The following PPP1R3A variants were observed in gnomAD, a reference collection of about 807,000 sequenced individuals.
The protein encoded by PPP1R3A is protein phosphatase 1 regulatory subunit 3A.
Under a neutral mutation model 41.7 loss-of-function variants are expected in PPP1R3A, and 29 were observed. The ratio of observed to expected loss-of-function variants is 0.70; its 90% CI spans 0.52 to 0.95. The LOEUF (loss-of-function observed/expected upper bound fraction) is 0.95. Ranked by LOEUF, PPP1R3A falls within the 40% of genes least tolerant of loss-of-function variation. The probability of loss-of-function intolerance (pLI) is 0.00; values close to 1 mark genes in which losing one functional copy is unlikely to be tolerated. For synonymous variants in PPP1R3A, 485 were observed against 453.4 expected (o/e 1.07, Z -0.89); for missense variants, 1,352 against 1,292.4 (o/e 1.05, Z -0.71).
intron 1 of PPP1R3A, among the ~76,000 whole-genome samples, chr7:113,895,029 T>G (rs1024248479): frequency 1.3e-4 from 19 of 151,906 alleles, no homozygotes; most frequent in Non-Finnish European, 1.8e-4. Context: ...TCTTACCCAA[T>G]AGGGTGGCAG....
chr7:113,901,891 A>C (rs1053659431), intron 1 of PPP1R3A, among the ~76,000 whole-genome samples: 3 of 151,798 alleles, frequency 2.0e-5, no homozygotes, highest in Non-Finnish European at 4.4e-5. Flanking sequence ...AGGGTTGTCG[A>C]AAAAAGATCA....
At position 113,918,686 on chromosome 7, in the gene PPP1R3A, T is replaced by C; in HGVS notation, c.311A>G (p.Tyr104Cys). 1 of 1,613,734 alleles carries C rather than the reference T, an allele frequency of 6.2e-7. No individual in the cohort carries two copies. The highest frequency in any genetic ancestry group is 1.1e-5 in the South Asian group (1 of 91,080). The change falls in exon 1 of 4, where the codon TAT becomes TGT. Residue 104 changes from tyrosine (Y) to cysteine (C), a missense_variant. By Grantham distance (194) the Tyr-to-Cys change is radical. Coordinates refer to ENST00000284601, the MANE Select transcript of PPP1R3A (RefSeq NM_002711.4). ...LGTDIFHTEE[Y>C]VLAPLFDLPS... ...CAAGTCAAACAGTGGGGCTAAAACA[T>C]ATTCTTCTGTGTGGAAAATGTCCGT...
rs1796707622 is a variant in PPP1R3A at position 113,882,322 on chromosome 7, T to C, written c.783-2A>G. On this transcript the variant is annotated splice_acceptor_variant, in intron 1 of 3. Coordinates refer to ENST00000284601, the MANE Select transcript of PPP1R3A (RefSeq NM_002711.4). LOFTEE classifies it high-confidence loss of function. ...GATGTTACTGATGATTCTTCTTTAC[T>C]GTTAAATTTAAAAGAAAATGTTATA... 1 of 1,437,202 alleles carries C rather than the reference T, an allele frequency of 7.0e-7. No individual in the cohort carries two copies. 89.0% of individuals were successfully genotyped at this position (1,437,202 alleles called of 1,614,324 possible). A position where few individuals can be genotyped will look rare whatever the true frequency, so the allele number is the denominator to read the frequency against.
chr7:113,881,206 A>G lies in PPP1R3A; in HGVS notation c.966+833T>C, dbSNP rs533244674. ...TTAGTGATGCAGCTCCGCGATCACT[A>G]TAGAAAAGGTGGAATATGTGGGGAA... On this transcript the variant is annotated intron_variant, in intron 3 of 3. Coordinates refer to ENST00000284601, the MANE Select transcript of PPP1R3A (RefSeq NM_002711.4). Among the ~76,000 whole-genome samples the G allele has an allele frequency of 5.3e-5, 8 of 152,204 alleles. No homozygotes were observed. In the East Asian group the frequency reaches 1.4e-3, roughly 26 times the overall value.
At chr7:113,884,080 G>A (rs1796740939) in intron 1 of PPP1R3A, among the ~76,000 whole-genome samples, 1 of 151,680 alleles carries the variant, frequency 6.6e-6, no homozygotes, top group Admixed American at 6.6e-5. Context: ...AACAAAAACA[G>A]AAAATACGTA....
At position 113,891,084 on chromosome 7, in the gene PPP1R3A, C is replaced by CAAAA. The variant is rs11342726; in HGVS notation, c.783-8768_783-8765dup. Among the ~76,000 whole-genome samples, 684 of 79,714 alleles carry CAAAA rather than the reference C, an allele frequency of 8.6e-3. 43 individuals carry two copies. The highest frequency in any genetic ancestry group is 0.025 in the African/African-American group (477 of 19,252). The allele number at this position is 79,714 out of a possible 152,430, so 52.3% of individuals were successfully genotyped here. On this transcript the variant is annotated intron_variant, in intron 1 of 3. Transcript: ENST00000284601. ...GGGTCAATATGTGGTGGAAAAAAAG[C>CAAAA]AAAAAAAAAAAAAAAAAAAAAAAAA...
At chr7:113,911,800 G>T (rs76370232) in intron 1 of PPP1R3A, among the ~76,000 whole-genome samples, 1 of 151,930 alleles carries the variant, frequency 6.6e-6, no homozygotes, top group Admixed American at 6.6e-5. Context: ...GAATGATGAG[G>T]GAAAACAGCA....
rs895340568 is a variant in PPP1R3A at position 113,879,573 on chromosome 7, T to G, written c.1519A>C (p.Lys507Gln). 1.4e-5 allele frequency: 22 copies of G among 1,611,896 alleles called. No homozygotes were observed. Among genetic ancestry groups the G allele is most frequent in the Admixed American group, 1.7e-5 (1 of 59,794 alleles). ...TTACCATTGCCATAATAATCTTCCTTAGAAGATCCTTCTTCTGTTGATTCT... is the reference window on the plus strand; with the variant it reads ...TTACCATTGCCATAATAATCTTCCTGAGAAGATCCTTCTTCTGTTGATTCT... ...LKESTEEGSS[K>Q]EDYYGNGKDD... The change falls in exon 4 of 4, where the codon AAG (lysine) becomes CAG (glutamine). Residue 507 changes from lysine (K) to glutamine (Q), a missense_variant. By Grantham distance (53) the Lys-to-Gln change is moderately conservative. Coordinates refer to ENST00000284601, the MANE Select transcript of PPP1R3A (RefSeq NM_002711.4).
At chr7:113,914,683 G>A (rs1797310500) in intron 1 of PPP1R3A, among the ~76,000 whole-genome samples, 1 of 152,106 alleles carries the variant, frequency 6.6e-6, no homozygotes, top group Non-Finnish European at 1.5e-5. Flanking sequence ...AACATTTACT[G>A]ATAACTTATT....
intron 1 of PPP1R3A, among the ~76,000 whole-genome samples, chr7:113,891,500 G>A (rs951318216): frequency 2.0e-5 from 3 of 152,012 alleles, no homozygotes; most frequent in Non-Finnish European, 2.9e-5. Flanking sequence ...GCTCAGCCAT[G>A]TAAATATACC....
intron 1 of PPP1R3A, among the ~76,000 whole-genome samples, chr7:113,884,265 G>A (rs911053692): frequency 1.3e-5 from 2 of 151,976 alleles, no homozygotes; most frequent in African/African-American, 2.4e-5. Flanking sequence ...TATAGAATTT[G>A]AAAATATTAT....
chr7:113,889,091 G>T (rs2129116047), intron 1 of PPP1R3A, among the ~76,000 whole-genome samples: 1 of 152,216 alleles, frequency 6.6e-6, no homozygotes, highest in Middle Eastern at 3.4e-3. Flanking sequence ...GAGAATGATG[G>T]TGCTAAAAAT....
In PPP1R3A at chr7:113,878,756, C is replaced by T; in HGVS notation, c.2336G>A (p.Arg779Lys). Residue 779 changes from arginine (R) to lysine (K), a missense_variant, in exon 4 of 4, where the codon AGA becomes AAA. Coordinates refer to ENST00000284601, the MANE Select transcript of PPP1R3A (RefSeq NM_002711.4). ...AAGGGTATAATGTGAATCATCATTT[C>T]TCCCTTCATGTGGATCAAACGCTGT... ...KETAFDPHEGRNDDSHYTLCQ... is the reference protein window; with the variant it reads ...KETAFDPHEGKNDDSHYTLCQ... 6.2e-7 allele frequency: 1 copy of T among 1,613,470 alleles called. No homozygotes were observed.
chr7:113,910,384 T>C (rs1797224552), intron 1 of PPP1R3A, among the ~76,000 whole-genome samples: 1 of 152,074 alleles, frequency 6.6e-6, no homozygotes, highest in Non-Finnish European at 1.5e-5. Flanking sequence ...AATCAAGTAC[T>C]GTATTAACAT....
chr7:113,911,898 T>C (rs1408366952), intron 1 of PPP1R3A, among the ~76,000 whole-genome samples: 4 of 152,136 alleles, frequency 2.6e-5, no homozygotes, highest in Non-Finnish European at 4.4e-5. Context: ...TACTACCACT[T>C]TGAGTATCTA....
In PPP1R3A at chr7:113,879,100, T is replaced by C. The variant is rs1455402103; in HGVS notation, c.1992A>G (p.Lys664=). The change falls in exon 4 of 4, where the codon AAA becomes AAG. Residue 664 remains lysine (K), a synonymous_variant. Coordinates refer to ENST00000284601, the MANE Select transcript of PPP1R3A (RefSeq NM_002711.4). ...QSWNVLESQG[K]SRENKTNITE... ...TTATGTTTGTCTTATTCTCTCTTGA[T>C]TTTCCCTGACTTTCCAGAACATTCC... 3.1e-6 allele frequency: 5 copies of C among 1,613,790 alleles called. No individual in the cohort carries two copies. The highest frequency in any genetic ancestry group is 1.7e-4 in the Middle Eastern group (1 of 6,060).
intron 1 of PPP1R3A, among the ~76,000 whole-genome samples, chr7:113,887,174 C>T (rs368334246): frequency 9.2e-5 from 14 of 151,658 alleles, no homozygotes; most frequent in African/African-American, 2.9e-4. Context: ...AAAGTATTAC[C>T]CCTTCAGAGT....
At chr7:113,880,800 A>C (rs912813113) in intron 3 of PPP1R3A, among the ~76,000 whole-genome samples, 3 of 151,808 alleles carry the variant, frequency 2.0e-5, no homozygotes, top group Non-Finnish European at 2.9e-5. Context: ...CTTCTCACAT[A>C]AGGCTCATGT....
chr7:113,880,044 GA>G lies in PPP1R3A; in HGVS notation c.1047del (p.Pro350GlnfsTer7), dbSNP rs1562917243. ...TTCTCTAACCCCTCTGCTTTATTTG[GA>G]AAATTGACTGGATCTGTTGAAAATG... ...RNTFSTDPVN[F>X]PNKAEGLEKK... On this transcript the variant is annotated frameshift_variant, in exon 4 of 4. Transcript: ENST00000284601. LOFTEE classifies it low-confidence loss of function (END_TRUNC). The G allele has an allele frequency of 1.2e-6, 2 of 1,610,736 alleles. No homozygotes were observed. The highest frequency in any genetic ancestry group is 2.2e-5 in the South Asian group (2 of 91,010).
Sources: allele counts gnomAD v4.1 joint callset (sites outside exome capture counted in the v4.1 genomes callset), GRCh38; gene constraint gnomAD v4.1.1; transcripts MANE v1.5; gene names NCBI Gene and HGNC (gene_info 2026-07-23, HGNC 2026-07-21).